The following NBEA variants were observed in gnomAD, a reference collection of about 807,000 sequenced individuals.
NBEA encodes lysosomal-trafficking regulator 2.
NBEA carries 44 observed loss-of-function variants against 343.4 expected under a neutral mutation model. The observed-to-expected ratio is 0.13, with a 90% CI of 0.10 to 0.16. The LOEUF is 0.16. NBEA is among the 10% of genes least tolerant of loss of function. NBEA has a pLI of 1.00. For synonymous variants in NBEA, 1,175 were observed against 1,238.7 expected (o/e 0.95, Z 1.08); for missense variants, 2,555 against 3,631.3 (o/e 0.70, Z 7.62).
In NBEA at chr13:35,142,712, T is replaced by A. The variant is rs537404634; in HGVS notation, c.2445+335T>A. On this transcript the variant is annotated intron_variant, in intron 18 of 58. Coordinates refer to ENST00000379939, the MANE Select transcript of NBEA (RefSeq NM_001385012.1). ...CATCCCCACCCCTCTGTTTTTATCC[T>A]CTCGTTCCTACTCTCTCTCTTTCTG... Among the ~76,000 whole-genome samples, 19 of 152,180 alleles carry A rather than the reference T, an allele frequency of 1.2e-4. No individual in the cohort carries two copies. In the South Asian group the frequency reaches 1.9e-3, roughly 15 times the overall value.
chr13:35,236,281 C>T (rs2075224377), intron 34 of NBEA, among the ~76,000 whole-genome samples: 1 of 152,128 alleles, frequency 6.6e-6, no homozygotes, highest in South Asian at 2.1e-4. Context: ...GGTCATAACC[C>T]TCCCTTCCAG....
At chr13:35,164,786 A>G (rs545521761) in intron 24 of NBEA, among the ~76,000 whole-genome samples, 1 of 152,274 alleles carries the variant, frequency 6.6e-6, no homozygotes, top group African/African-American at 2.4e-5. Flanking sequence ...TCAAATCTGT[A>G]GTATAAATAA....
intron 38 of NBEA, among the ~76,000 whole-genome samples, chr13:35,410,953 C>T (rs1031456804): frequency 6.6e-6 from 1 of 152,148 alleles, no homozygotes; most frequent in Admixed American, 6.6e-5. Flanking sequence ...AACACACTCT[C>T]ATAATAAGCA....
chr13:35,096,503 T>G (rs1297495937), intron 10 of NBEA, among the ~76,000 whole-genome samples: 1 of 151,896 alleles, frequency 6.6e-6, no homozygotes, highest in Non-Finnish European at 1.5e-5. Flanking sequence ...ATCCTTGCAA[T>G]TTTACATGGT....
chr13:35,524,055 A>G (rs564362674), intron 41 of NBEA, among the ~76,000 whole-genome samples: 13 of 152,172 alleles, frequency 8.5e-5, no homozygotes, highest in Non-Finnish European at 1.3e-4. Context: ...TACTGTGTTC[A>G]TGCCTAAGAC....
At chr13:34,963,601 A>G (rs1250569698) in intron 1 of NBEA, among the ~76,000 whole-genome samples, 1 of 152,036 alleles carries the variant, frequency 6.6e-6, no homozygotes, top group Non-Finnish European at 1.5e-5. Flanking sequence ...TTTATTAGTA[A>G]TGCTTTACTT....
At chr13:35,535,357 C>T (rs1304891988) in intron 41 of NBEA, among the ~76,000 whole-genome samples, 1 of 152,066 alleles carries the variant, frequency 6.6e-6, no homozygotes, top group Non-Finnish European at 1.5e-5. Context: ...ATGCAGAAGA[C>T]AGAACACGCA....
At chr13:35,034,598 T>C (rs1280619406) in intron 1 of NBEA, among the ~76,000 whole-genome samples, 7 of 151,896 alleles carry the variant, frequency 4.6e-5, no homozygotes, top group Non-Finnish European at 1.5e-5. Context: ...TCCTCTATTT[T>C]TCAGAATAGT....
chr13:35,475,053 C>T (rs371299881), intron 41 of NBEA: 29 of 1,607,692 alleles, frequency 1.8e-5, no homozygotes, highest in Non-Finnish European at 2.5e-5. Flanking sequence ...TTGATTAAAT[C>T]ATCCTCTAAA....
In NBEA at chr13:35,381,941, A is replaced by G. The variant is rs539051960; in HGVS notation, c.6179+29618A>G. ...TAATTATCTTCTTCTATTTCTAATT[A>G]TATTTCTTAGTTGTAAAACTAAATT... On this transcript the variant is annotated intron_variant, in intron 38 of 58. Transcript: ENST00000379939. Among the ~76,000 whole-genome samples, 10 of 152,280 alleles carry G rather than the reference A, an allele frequency of 6.6e-5. No individual in the cohort carries two copies. The South Asian group carries it at 1.4e-3, about 22-fold the overall frequency.
At chr13:35,599,721 A>G (rs913271823) in intron 47 of NBEA, among the ~76,000 whole-genome samples, 2 of 152,208 alleles carry the variant, frequency 1.3e-5, no homozygotes, top group African/African-American at 4.8e-5. Flanking sequence ...CCACCTCTTT[A>G]TGGGAGGAGT....
At chr13:35,365,332 G>A (rs914051390) in intron 38 of NBEA, among the ~76,000 whole-genome samples, 3 of 151,582 alleles carry the variant, frequency 2.0e-5, no homozygotes, top group African/African-American at 7.3e-5. Context: ...AAAGTCATTA[G>A]TTTTAAAATA....
intron 40 of NBEA, among the ~76,000 whole-genome samples, chr13:35,470,771 C>A (rs1409718622): frequency 6.6e-6 from 1 of 152,234 alleles, no homozygotes; most frequent in Non-Finnish European, 1.5e-5. Context: ...GAGGCGCCGC[C>A]AAGCGCGCGC....
chr13:35,496,551 T>C (rs1370879091), intron 41 of NBEA, among the ~76,000 whole-genome samples: 5 of 148,962 alleles, frequency 3.4e-5, no homozygotes, highest in Non-Finnish European at 7.4e-5. Context: ...GAAGGATCAC[T>C]TGAGCCCAGA....
At chr13:35,155,662 C>A in intron 18 of NBEA, 112 bp from the exon 19 acceptor site, 1 of 758,924 alleles carries the variant, frequency 1.3e-6, no homozygotes, top group Non-Finnish European at 2.1e-6. Context: ...AGAGATGTTT[C>A]TTTTGGTTTG....
At chr13:35,302,314 A>T (rs2036608619) in intron 35 of NBEA, among the ~76,000 whole-genome samples, 1 of 152,126 alleles carries the variant, frequency 6.6e-6, no homozygotes, top group African/African-American at 2.4e-5. Flanking sequence ...AATAAACAAA[A>T]ACTTTAAACT....
chr13:35,344,117 G>A (rs764711053), intron 36 of NBEA, among the ~76,000 whole-genome samples: 12 of 151,978 alleles, frequency 7.9e-5, no homozygotes, highest in South Asian at 4.2e-4. Flanking sequence ...ATTTGAAGGC[G>A]AGGACAAATA....
intron 39 of NBEA, among the ~76,000 whole-genome samples, chr13:35,433,716 T>G (rs949260575): frequency 6.6e-6 from 1 of 152,050 alleles, no homozygotes. Flanking sequence ...AATTATAGTT[T>G]GTCTTCTTTG....
chr13:35,208,906 C>A (rs764954573), intron 32 of NBEA, 52 bp downstream of exon 32: 37 of 1,274,744 alleles, frequency 2.9e-5, no homozygotes, highest in Non-Finnish European at 3.4e-5. Context: ...TTTTCTGTAT[C>A]ATTTTTCTGC....
Sources: gnomAD v4.1 joint callset for allele counts (sites outside exome capture counted in the v4.1 genomes callset) on GRCh38, gnomAD v4.1.1 for gene constraint, MANE v1.5 for transcripts, NCBI Gene and HGNC (gene_info 2026-07-23, HGNC 2026-07-21) for gene names.